The following CNOT4 variants were observed in gnomAD, a reference collection of about 807,000 sequenced individuals.
CNOT4 encodes CCR4-NOT transcription complex subunit 4.
In CNOT4, 8 loss-of-function variants were observed where a neutral mutation model predicts 73.8. That is an observed-to-expected ratio of 0.11 (90% CI 0.06 to 0.20). The LOEUF (loss-of-function observed/expected upper bound fraction) is 0.20. Among genes scored for constraint, CNOT4 ranks in the 10% least tolerant of loss-of-function variants. The pLI is 1.00. For missense variants in CNOT4, 564 were observed against 883.4 expected, an observed-to-expected ratio of 0.64 and a Z score of 4.58; for synonymous variants, 293 against 321.1, an observed-to-expected ratio of 0.91 and a Z score of 0.94.
intron 1 of CNOT4, among the ~76,000 whole-genome samples, chr7:135,506,387 CAA>C (rs1481135594): frequency 6.6e-6 from 1 of 152,164 alleles, no homozygotes; most frequent in Non-Finnish European, 1.5e-5. Flanking sequence ...ACTTCCTTCA[CAA>C]AGAGTCAAGA....
At chr7:135,396,037 T>A (rs1796662791) in intron 8 of CNOT4, among the ~76,000 whole-genome samples, 154 bp from the exon 9 acceptor site, 1 of 151,526 alleles carries the variant, frequency 6.6e-6, no homozygotes, top group African/African-American at 2.4e-5. Context: ...GAAAATCAAT[T>A]AAATCATTAA....
At chr7:135,435,724 G>A (rs1799118032) in intron 2 of CNOT4, among the ~76,000 whole-genome samples, 1 of 152,080 alleles carries the variant, frequency 6.6e-6, no homozygotes, top group Non-Finnish European at 1.5e-5. Flanking sequence ...TGAGAATCCT[G>A]GTAATCTGCC....
intron 8 of CNOT4, among the ~76,000 whole-genome samples, chr7:135,396,107 CTTTTTTTTTTT>C (rs71174519): frequency 3.9e-4 from 37 of 95,436 alleles, no homozygotes; most frequent in African/African-American, 1.3e-3. Context: ...ACTAGTCTCC[CTTTTTTTTTTT>C]TTTTTTTTTT....
Position 135,435,511 on chromosome 7 carries a change from C to T in CNOT4, c.174+2647G>A, listed in dbSNP as rs536574565. ...TTTTTCAAGACCTCTCTAATTTGTTCTTTTTATAAGGAAATATAATCTTTC... is the reference window on the plus strand; with the variant it reads ...TTTTTCAAGACCTCTCTAATTTGTTTTTTTTATAAGGAAATATAATCTTTC... On this transcript the variant is annotated intron_variant, in intron 2 of 11. Transcript: ENST00000541284. Among the ~76,000 whole-genome samples, 10 of 152,216 alleles carry T rather than the reference C, an allele frequency of 6.6e-5. No homozygotes were observed. The South Asian group carries it at 1.9e-3, about 28-fold the overall frequency.
At chr7:135,393,538 T>A (rs28578709) in intron 10 of CNOT4, among the ~76,000 whole-genome samples, 4,407 of 145,598 alleles carry the variant, frequency 0.03, 202 homozygotes, top group African/African-American at 0.091. Flanking sequence ...ATTAAAAAAA[T>A]TTTTTTTAAC....
intron 2 of CNOT4, among the ~76,000 whole-genome samples, chr7:135,432,545 G>A (rs1390712470): frequency 6.6e-6 from 1 of 152,118 alleles, no homozygotes; most frequent in African/African-American, 2.4e-5. Flanking sequence ...AATCCCTCTT[G>A]CAGTTCTCTG....
chr7:135,478,249 A>G (rs1004412719), intron 1 of CNOT4, among the ~76,000 whole-genome samples: 2 of 152,184 alleles, frequency 1.3e-5, no homozygotes, highest in Non-Finnish European at 2.9e-5. Flanking sequence ...TTTTATAGCA[A>G]TTAAGAACCA....
At chr7:135,380,922 C>G (rs1182272639) in intron 10 of CNOT4, among the ~76,000 whole-genome samples, 1 of 152,086 alleles carries the variant, frequency 6.6e-6, no homozygotes, top group Non-Finnish European at 1.5e-5. Context: ...TTTAAGTTAT[C>G]CTTTCCTTGG....
At chr7:135,397,469 G>A (rs984624226) in intron 8 of CNOT4, among the ~76,000 whole-genome samples, 1 of 152,020 alleles carries the variant, frequency 6.6e-6, no homozygotes, top group Admixed American at 6.6e-5. Flanking sequence ...AAAACGTTTA[G>A]AAAAGCATTA....
At chr7:135,394,480 C>T in intron 9 of CNOT4, 65 bp from the exon 10 acceptor site, 1 of 1,293,752 alleles carries the variant, frequency 7.7e-7, no homozygotes, top group African/African-American at 1.5e-5. Context: ...TAATAAGTAT[C>T]CATGCTACTG....
chr7:135,455,977 C>G (rs1454445551), intron 1 of CNOT4, among the ~76,000 whole-genome samples: 1 of 152,194 alleles, frequency 6.6e-6, no homozygotes, highest in Admixed American at 6.5e-5. Context: ...CCACTGCCAT[C>G]TTAGAAAGTA....
chr7:135,394,272 C>T lies in CNOT4; in HGVS notation c.1273G>A (p.Val425Ile), dbSNP rs183659078. The T allele has an allele frequency of 2.1e-4, 331 of 1,614,106 alleles. No homozygotes were observed. The highest frequency in any genetic ancestry group is 5.3e-5 in the African/African-American group (4 of 75,010). ...LADLIEKELSVQDQPSLSPTS... is the reference protein window; with the variant it reads ...LADLIEKELSIQDQPSLSPTS... ...GGCGAAAGGGAAGGTTGGTCTTGAA[C>T]GGACAGTTCCTTCTCAATCAGGTCT... is the stretch of plus-strand genomic sequence containing the variant. The change falls in exon 10 of 12, where the codon GTT becomes ATT. Residue 425 changes from valine (V) to isoleucine (I), a missense_variant. Val to Ile is a conservative substitution (Grantham distance 29). Transcript: ENST00000541284.
At chr7:135,424,295 C>T (rs1415486684) in intron 2 of CNOT4, among the ~76,000 whole-genome samples, 6 of 152,144 alleles carry the variant, frequency 3.9e-5, no homozygotes. Flanking sequence ...CTTAATCTAT[C>T]TGCCTGGATG....
chr7:135,393,530 TA>T (rs1267410867), intron 10 of CNOT4, among the ~76,000 whole-genome samples: 11 of 151,868 alleles, frequency 7.2e-5, no homozygotes, highest in African/African-American at 1.7e-4. Flanking sequence ...TAATTATCAT[TA>T]AAAAAATTTT....
At chr7:135,438,741 CA>C (rs1799302669) in intron 1 of CNOT4, among the ~76,000 whole-genome samples, 1 of 152,200 alleles carries the variant, frequency 6.6e-6, no homozygotes, top group Admixed American at 6.5e-5. Context: ...TTAACTGTCT[CA>C]TCTTTGACCT....
intron 2 of CNOT4, among the ~76,000 whole-genome samples, chr7:135,423,000 CTT>C (rs1171946596): frequency 6.6e-6 from 1 of 152,124 alleles, no homozygotes; most frequent in African/African-American, 2.4e-5. Context: ...ATCTAAGTGA[CTT>C]TGGTAAAGTC....
At chr7:135,508,341 C>T (rs1422764181) in intron 1 of CNOT4, among the ~76,000 whole-genome samples, 3 of 152,186 alleles carry the variant, frequency 2.0e-5, no homozygotes, top group Non-Finnish European at 4.4e-5. Context: ...AAAACATGGA[C>T]ATCATAAGCC....
At chr7:135,369,512 G>C (rs1795083228) in intron 10 of CNOT4, among the ~76,000 whole-genome samples, 2 of 152,170 alleles carry the variant, frequency 1.3e-5, no homozygotes, top group Non-Finnish European at 2.9e-5. Context: ...AATACAACCT[G>C]ATTTTGTTTT....
intron 10 of CNOT4, chr7:135,387,666 T>C (rs1001199986): frequency 1.2e-5 from 12 of 985,184 alleles, no homozygotes; most frequent in Non-Finnish European, 1.4e-5. Flanking sequence ...AATATGGTCA[T>C]GTTTTCTGAA....
Sources: gnomAD v4.1 joint callset for allele counts (sites outside exome capture counted in the v4.1 genomes callset) on GRCh38, gnomAD v4.1.1 for gene constraint, MANE v1.5 for transcripts, NCBI Gene and HGNC (gene_info 2026-07-23, HGNC 2026-07-21) for gene names.